ZNF268: variants seen among roughly 807,000 people sequenced by gnomAD.
The protein encoded by ZNF268 is zinc finger protein 268.
Under a neutral mutation model 29.3 loss-of-function variants are expected in ZNF268, and 20 were observed. The ratio of observed to expected loss-of-function variants is 0.68; its 90% CI spans 0.48 to 0.99. ZNF268 has a LOEUF of 0.99. Among genes scored for constraint, ZNF268 ranks in the 50% least tolerant of loss-of-function variants. ZNF268 has a pLI of 0.00. For missense variants in ZNF268, 1,240 were observed against 1,121.6 expected (o/e 1.11, Z -1.51); for synonymous variants, 429 against 376.9 (o/e 1.14, Z -1.60).
chr12:133,204,475 G>T lies in ZNF268; in HGVS notation c.2789G>T (p.Cys930Phe). ...CKCTECGKAF[C>F]WKSQLIMHQR... The stretch of plus-strand genomic sequence containing the variant: ...TGCACTGAATGTGGGAAAGCCTTTT[G>T]TTGGAAGTCACAGCTCATTATGCAT... Residue 930 changes from cysteine (C) to phenylalanine (F), a missense_variant, in exon 6 of 6, where the codon TGT becomes TTT. By Grantham distance (205) the Cys-to-Phe change is radical. Around this residue, in one of 3 missense-constraint regions of ZNF268, gnomAD observed 1,177 missense variants for 1,039.6 expected, o/e 1.13. Coordinates refer to ENST00000536435, the MANE Select transcript of ZNF268 (RefSeq NM_003415.3). The T allele has an allele frequency of 1.9e-6, 3 of 1,547,242 alleles. No homozygotes were observed. Among genetic ancestry groups the T allele is most frequent in the South Asian group, 1.2e-5 (1 of 84,526 alleles).
At chr12:133,183,511 AAGG>A (rs1156686062) in intron 2 of ZNF268, among the ~76,000 whole-genome samples, 27 of 152,052 alleles carry the variant, frequency 1.8e-4, no homozygotes, top group African/African-American at 5.8e-4. Flanking sequence ...AAAAAAAAAA[AAGG>A]AGAGGAGGTA....
chr12:133,202,914 C>G lies in ZNF268; in HGVS notation c.1228C>G (p.His410Asp). 1 of 1,547,102 alleles carries G rather than the reference C, an allele frequency of 6.5e-7. No individual in the cohort carries two copies. ...ACAGCTCATTATACATGAAAGAATTCATACAGGAGAGAAACCATATGAATG... is the reference window on the plus strand; with the variant it reads ...ACAGCTCATTATACATGAAAGAATTGATACAGGAGAGAAACCATATGAATG... Reference protein sequence around the residue: ...KSQLIIHERIHTGEKPYECNE... With the variant: ...KSQLIIHERIDTGEKPYECNE... The change falls in exon 6 of 6, where the codon CAT (histidine) becomes GAT (aspartate). Residue 410 changes from histidine to aspartate, a missense_variant. Physicochemically the swap from His to Asp is moderately conservative, Grantham distance 81. Transcript: ENST00000536435.
Position 133,211,879 on chromosome 12 carries a change from G to C in ZNF268, c.*7349G>C, listed in dbSNP as rs540765869. On this transcript the variant is annotated 3_prime_UTR_variant, in exon 6 of 6. Transcript: ENST00000536435. ...CACACTCCTAGGTATTTAGATAACT[G>C]CTTTGAAAACATAGGAGTTTGATCT... The C allele has an allele frequency of 6.6e-6, 1 of 152,320 alleles. No homozygotes were observed. Among genetic ancestry groups the C allele is most frequent in the African/African-American group, 2.4e-5 (1 of 41,562 alleles). The allele number at this position is 152,320 out of a possible 1,614,324, so 9.4% of individuals were successfully genotyped here. A position where few individuals can be genotyped will look rare whatever the true frequency, so the allele number is the denominator to read the frequency against.
intron 3 of ZNF268, among the ~76,000 whole-genome samples, chr12:133,189,765 A>G (rs1327213611): frequency 6.6e-6 from 1 of 152,180 alleles, no homozygotes; most frequent in Non-Finnish European, 1.5e-5. Context: ...GCTGTTAACT[A>G]CAAATTTTAT....
At chr12:133,185,019 A>G (rs1175884181) in intron 2 of ZNF268, among the ~76,000 whole-genome samples, 2 of 151,934 alleles carry the variant, frequency 1.3e-5, no homozygotes, top group Non-Finnish European at 2.9e-5. Context: ...CCTCGTCTCT[A>G]CTAAAAATAT....
intron 5 of ZNF268, 143 bp downstream of exon 5, chr12:133,192,146 T>G: frequency 1.5e-6 from 1 of 649,008 alleles, no homozygotes; most frequent in Non-Finnish European, 2.5e-6. Flanking sequence ...TTCACTTTGT[T>G]GCCCAGGCTG....
intron 5 of ZNF268, among the ~76,000 whole-genome samples, chr12:133,192,537 A>C (rs1026149599): frequency 1.3e-5 from 2 of 151,784 alleles, no homozygotes; most frequent in African/African-American, 4.8e-5. Context: ...GACTCTCATG[A>C]TCCTTCCCTT....
chr12:133,190,585 T>C (rs747349701), intron 3 of ZNF268, among the ~76,000 whole-genome samples: 9 of 152,254 alleles, frequency 5.9e-5, no homozygotes, highest in Admixed American at 1.3e-4. Context: ...ATTTACCATC[T>C]GTATATTTTC....
intron 3 of ZNF268, among the ~76,000 whole-genome samples, chr12:133,191,271 CA>C (rs1956465098): frequency 6.6e-6 from 1 of 151,154 alleles, no homozygotes; most frequent in Non-Finnish European, 1.5e-5. Context: ...GAGCCAAGAT[CA>C]CACCACTGCA....
At chr12:133,192,868 A>C (rs1156649895) in intron 5 of ZNF268, among the ~76,000 whole-genome samples, 1 of 152,168 alleles carries the variant, frequency 6.6e-6, no homozygotes, top group Non-Finnish European at 1.5e-5. Context: ...ACCACATTAG[A>C]CAGGATGGTC....
rs1403040897 is a variant in ZNF268 at position 133,203,218 on chromosome 12, G to A, written c.1532G>A (p.Ser511Asn). 6.5e-7 allele frequency: 1 copy of A among 1,537,902 alleles called. No individual in the cohort carries two copies. Among genetic ancestry groups the A allele is most frequent in the Non-Finnish European group, 8.7e-7 (1 of 1,146,848 alleles). The change falls in exon 6 of 6, where the codon AGC becomes AAC. Residue 511 changes from serine (S) to asparagine (N), a missense_variant. Around this residue, in one of 3 missense-constraint regions of ZNF268, gnomAD observed 1,177 missense variants for 1,039.6 expected, o/e 1.13. Coordinates refer to ENST00000536435, the MANE Select transcript of ZNF268 (RefSeq NM_003415.3). ...AATGAATGTGGCAAAGCCTTCAGGAGCAAGTCATACCTTATTATACATACA... is the reference window on the plus strand; with the variant it reads ...AATGAATGTGGCAAAGCCTTCAGGAACAAGTCATACCTTATTATACATACA... ...VCNECGKAFR[S>N]KSYLIIHTRT...
At chr12:133,193,258 A>G (rs1956517225) in intron 5 of ZNF268, among the ~76,000 whole-genome samples, 1 of 152,128 alleles carries the variant, frequency 6.6e-6, no homozygotes, top group Non-Finnish European at 1.5e-5. Flanking sequence ...GCTTGAGCCC[A>G]TGAATTTGAT....
intron 5 of ZNF268, among the ~76,000 whole-genome samples, chr12:133,200,151 C>T (rs374152559): frequency 6.6e-6 from 1 of 151,894 alleles, no homozygotes; most frequent in African/African-American, 2.4e-5. Context: ...TCCTGCTTTC[C>T]CTTGTGGGCA....
At position 133,209,155 on chromosome 12, in the gene ZNF268, G is replaced by A; in HGVS notation, c.*4625G>A. 1 of 152,276 alleles carries A rather than the reference G, an allele frequency of 6.6e-6. No homozygotes were observed. Among genetic ancestry groups the A allele is most frequent in the Non-Finnish European group, 1.5e-5 (1 of 68,070 alleles). 9.4% of individuals were successfully genotyped at this position (152,276 alleles called of 1,614,324 possible). ...GATGGGGTTTCACCATGTTGGCCAG[G>A]CTGGTCTTGAACTCCTGACCTCGTG... On this transcript the variant is annotated 3_prime_UTR_variant, in exon 6 of 6. Transcript: ENST00000536435.
At position 133,203,746 on chromosome 12, in the gene ZNF268, A is replaced by G; in HGVS notation, c.2060A>G (p.Gln687Arg). ...FSLKSQLIVH[Q>R]RSHTGVKPYG... is the part of the protein sequence containing the mutation. ...TTGAAGTCCCAGCTCATTGTACATC[A>G]GAGAAGTCACACAGGAGTAAAACCA... Residue 687 changes from glutamine to arginine, a missense_variant, in exon 6 of 6, where the codon CAG (glutamine) becomes CGG (arginine). Physicochemically the swap from Gln to Arg is conservative, Grantham distance 43. Coordinates refer to ENST00000536435, the MANE Select transcript of ZNF268 (RefSeq NM_003415.3). 1 of 1,558,876 alleles carries G rather than the reference A, an allele frequency of 6.4e-7. No individual in the cohort carries two copies. Among genetic ancestry groups the G allele is most frequent in the East Asian group, 2.4e-5 (1 of 42,350 alleles).
At position 133,212,860 on chromosome 12, in the gene ZNF268, GT is replaced by G; in HGVS notation, c.*8337del. The G allele has an allele frequency of 6.6e-6, 1 of 152,082 alleles. No individual in the cohort carries two copies. Among genetic ancestry groups the G allele is most frequent in the Non-Finnish European group, 1.5e-5 (1 of 68,002 alleles). The allele number at this position is 152,082 out of a possible 1,614,324, so 9.4% of individuals were successfully genotyped here. On this transcript the variant is annotated 3_prime_UTR_variant, in exon 6 of 6. Coordinates refer to ENST00000536435, the MANE Select transcript of ZNF268 (RefSeq NM_003415.3). ...GCCACTACACCCAAATAGTTTTTTGGTTTTTTTGAAATGGAGTTTCACTCTG... is the reference window on the plus strand; with the variant it reads ...GCCACTACACCCAAATAGTTTTTTGGTTTTTTGAAATGGAGTTTCACTCTG...
rs1471287463 is a variant in ZNF268, at chr12:133,204,567, G to C, written c.*37G>C. 7.1e-7 allele frequency: 1 copy of C among 1,398,620 alleles called. No homozygotes were observed. Among genetic ancestry groups the C allele is most frequent in the African/African-American group, 1.5e-5 (1 of 68,804 alleles). The allele number at this position is 1,398,620 out of a possible 1,614,324, so 86.6% of individuals were successfully genotyped here. A position where few individuals can be genotyped will look rare whatever the true frequency, so the allele number is the denominator to read the frequency against. ...AACTCTGAAAAGTGGATTCACAAGA[G>C]ATAGAAACAATCATATATAAAGAGA... On this transcript the variant is annotated 3_prime_UTR_variant, in exon 6 of 6. Coordinates refer to ENST00000536435, the MANE Select transcript of ZNF268 (RefSeq NM_003415.3).
At position 133,203,602 on chromosome 12, in the gene ZNF268, C is replaced by T. The variant is rs749667744; in HGVS notation, c.1916C>T (p.Pro639Leu). 20 of 1,569,868 alleles carry T rather than the reference C, an allele frequency of 1.3e-5. No individual in the cohort carries two copies. The highest frequency in any genetic ancestry group is 7.5e-5 in the Admixed American group (4 of 53,570). ...CAGAGAACTCATACAGGAGAGAAAC[C>T]CTATAGTTGTAATGAATGTGGAAAA... ...VHQRTHTGEK[P>L]YSCNECGKAF... The change falls in exon 6 of 6, where the codon CCC becomes CTC. Residue 639 changes from proline to leucine, a missense_variant. By Grantham distance (98) the Pro-to-Leu change is moderately conservative (BLOSUM62 -3). Around this residue, in one of 3 missense-constraint regions of ZNF268, gnomAD observed 1,177 missense variants for 1,039.6 expected, o/e 1.13. Transcript: ENST00000536435.
rs868741119 is a variant in ZNF268 at position 133,204,118 on chromosome 12, A to G, written c.2432A>G (p.Asn811Ser). The G allele has an allele frequency of 4.5e-6, 7 of 1,544,866 alleles. No individual in the cohort carries two copies. Among genetic ancestry groups the G allele is most frequent in the Non-Finnish European group, 6.1e-6 (7 of 1,147,896 alleles). ...THSGEKPYEC[N>S]ECGKAFIWKS... is the part of the protein sequence containing the mutation. ...TCAGGTGAAAAACCATATGAATGTA[A>G]TGAATGTGGGAAAGCCTTCATTTGG... The change falls in exon 6 of 6, where the codon AAT (asparagine) becomes AGT (serine). Residue 811 changes from asparagine (N) to serine (S), a missense_variant. Coordinates refer to ENST00000536435, the MANE Select transcript of ZNF268 (RefSeq NM_003415.3).
Sources: allele counts gnomAD v4.1 joint callset (sites outside exome capture counted in the v4.1 genomes callset), GRCh38; gene constraint gnomAD v4.1.1; regional missense constraint gnomAD v4.1.1; transcripts MANE v1.5; gene names NCBI Gene and HGNC (gene_info 2026-07-23, HGNC 2026-07-21).